Variants in RPL23 observed in about 807,000 individuals in gnomAD.
RPL23 encodes the protein ribosomal protein L23, also known as large ribosomal subunit protein uL14.
For synonymous variants in RPL23, 63 were observed against 65.3 expected, an observed-to-expected ratio of 0.97 and a Z score of 0.17; for missense variants, 79 against 178.8, an observed-to-expected ratio of 0.44 and a Z score of 3.18.
rs1912977769 is a variant in RPL23 at position 38,850,714 on chromosome 17, G to T, written c.227-239C>A. On this transcript the variant is annotated intron_variant, in intron 3 of 4. Coordinates refer to ENST00000479035, the MANE Select transcript of RPL23 (RefSeq NM_000978.4). ...AGACAGGGTTTTGCCATGTTGGCAA[G>T]CCTGGCCTCCCAAAGTGCTGGGAGT... 1.2e-5 allele frequency: 5 copies of T among 416,722 alleles called. No homozygotes were observed. The Admixed American group carries it at 1.6e-4, about 14-fold the overall frequency. 25.8% of individuals were successfully genotyped at this position (416,722 alleles called of 1,614,324 possible).
At chr17:38,853,177 T>TTAC in intron 1 of RPL23, 72 bp from the exon 2 acceptor site, 1 of 1,167,124 alleles carries the variant, frequency 8.6e-7, no homozygotes, top group Non-Finnish European at 1.3e-6. Flanking sequence ...TTCCCCCTCA[T>TTAC]ACTCAAGCTG....
Position 38,849,810 on chromosome 17 carries a change from CT to C in RPL23, c.*321del. On this transcript the variant is annotated 3_prime_UTR_variant, in exon 5 of 5. Transcript: ENST00000479035. Reference sequence around the variant, plus strand: ...CAAACTCACAAAAAAGCAAGGATTGCTTTAAAAAAAAAATGCCCAGAGTTTC... The same window carrying C: ...CAAACTCACAAAAAAGCAAGGATTGCTTAAAAAAAAAATGCCCAGAGTTTC... 4 of 217,458 alleles carry C rather than the reference CT, an allele frequency of 1.8e-5. No individual in the cohort carries two copies. The highest frequency in any genetic ancestry group is 2.3e-5 in the African/African-American group (1 of 43,804). The allele number at this position is 217,458 out of a possible 1,614,324, so 13.5% of individuals were successfully genotyped here. A position where few individuals can be genotyped will look rare whatever the true frequency, so the allele number is the denominator to read the frequency against.
chr17:38,851,427 G>A (rs1317203341), intron 3 of RPL23: 1 of 152,140 alleles, frequency 6.6e-6, no homozygotes, highest in Non-Finnish European at 1.5e-5. Flanking sequence ...TCCAAGGGGA[G>A]GGGATGTATT....
At chr17:38,853,359 T>C in intron 1 of RPL23, 1 of 697,208 alleles carries the variant, frequency 1.4e-6, no homozygotes, top group Non-Finnish European at 2.7e-6. Context: ...TTGCTCTAAC[T>C]TTCGCAAAAC....
At chr17:38,853,620 C>T in intron 1 of RPL23, 78 bp downstream of exon 1, 3 of 1,588,448 alleles carry the variant, frequency 1.9e-6, no homozygotes, top group Non-Finnish European at 2.6e-6. Context: ...CCCCAGCTGC[C>T]TAGGGCCACC....
intron 1 of RPL23, 44 bp from the exon 2 acceptor site, chr17:38,853,149 T>A (rs779749441): frequency 6.7e-7 from 1 of 1,489,706 alleles, no homozygotes. Flanking sequence ...GAGATCACAA[T>A]CTAGACATGG....
At chr17:38,850,582 A>T (rs1912972886) in intron 3 of RPL23, 107 bp from the exon 4 acceptor site, 1 of 742,240 alleles carries the variant, frequency 1.3e-6, no homozygotes, top group Admixed American at 2.0e-5. Context: ...TGAGACAGTG[A>T]CAGTGTAAAT....
chr17:38,850,250 CAT>C (rs774107687), intron 4 of RPL23, 36 bp from the exon 5 acceptor site: 293 of 1,548,614 alleles, frequency 1.9e-4, no homozygotes, highest in East Asian at 3.6e-4. Context: ...AAAATAAAAA[CAT>C]GTGGGGGACA....
rs1403426526 is a variant in RPL23 at position 38,849,033 on chromosome 17, C to A, written c.*1099G>T. ...AAGGCCAAGTCCCTTATTATCAGCG[C>A]TTTATGCCTGTTCAGTTGGCAAAAA... On this transcript the variant is annotated 3_prime_UTR_variant, in exon 5 of 5. Coordinates refer to ENST00000479035, the MANE Select transcript of RPL23 (RefSeq NM_000978.4). 1 of 152,172 alleles carries A rather than the reference C, an allele frequency of 6.6e-6. No homozygotes were observed. The highest frequency in any genetic ancestry group is 2.4e-5 in the African/African-American group (1 of 41,454). The allele number at this position is 152,172 out of a possible 1,614,324, so 9.4% of individuals were successfully genotyped here.
In RPL23 at chr17:38,849,586, T is replaced by C. The variant is rs1463545963; in HGVS notation, c.*546A>G. On this transcript the variant is annotated 3_prime_UTR_variant, in exon 5 of 5. Coordinates refer to ENST00000479035, the MANE Select transcript of RPL23 (RefSeq NM_000978.4). ...CTCCTGACCTCATGATCTGCCTGCC[T>C]TGGCCTCCGAAAGTGTTGGGATTAC... The C allele has an allele frequency of 6.6e-6, 1 of 152,358 alleles. No homozygotes were observed. Among genetic ancestry groups the C allele is most frequent in the East Asian group, 1.9e-4 (1 of 5,208 alleles). 9.4% of individuals were successfully genotyped at this position (152,358 alleles called of 1,614,324 possible).
At chr17:38,852,422 T>C in intron 3 of RPL23, 182 bp downstream of exon 3, 3 of 676,058 alleles carry the variant, frequency 4.4e-6, no homozygotes, top group East Asian at 2.7e-5. Flanking sequence ...AACTAAGGTA[T>C]GGAAGTGACA....
chr17:38,850,816 TAA>T (rs1020187477), intron 3 of RPL23: 5 of 179,294 alleles, frequency 2.8e-5, no homozygotes, highest in African/African-American at 1.2e-4. Flanking sequence ...CTCACAAGTG[TAA>T]AACTCTCAGG....
chr17:38,850,544 C>G (rs957467785), intron 3 of RPL23, 69 bp from the exon 4 acceptor site: 9 of 990,412 alleles, frequency 9.1e-6, no homozygotes, highest in Non-Finnish European at 1.5e-5. Flanking sequence ...AAGCAGTTTC[C>G]AACTAGACAG....
chr17:38,853,115 T>C lies in RPL23; in HGVS notation c.14-10A>G, dbSNP rs760818652. 1.2e-6 allele frequency: 2 copies of C among 1,608,550 alleles called. No homozygotes were observed. The highest frequency in any genetic ancestry group is 3.3e-5 in the Admixed American group (2 of 59,988). ...GAGGACCCACCACGTCCTGTGGATA[T>C]AAAGGGAAGGGAAACAGGATAAAGA... On this transcript the variant is annotated splice_polypyrimidine_tract_variant and intron_variant, in intron 1 of 4. Transcript: ENST00000479035.
rs73985033 is a variant in RPL23 at position 38,853,421 on chromosome 17, T to G, written c.13+277A>C. ...CGCAGAGGTCGCGCAAACCAGGGCCTAATCCAGTCTAACTTCAACCCCATT... is the reference window on the plus strand; with the variant it reads ...CGCAGAGGTCGCGCAAACCAGGGCCGAATCCAGTCTAACTTCAACCCCATT... On this transcript the variant is annotated intron_variant, in intron 1 of 4. Transcript: ENST00000479035. 6.2e-3 allele frequency: 4,455 copies of G among 715,496 alleles called. 126 individuals are homozygous for G. In the African/African-American group the frequency reaches 0.067, roughly 11 times the overall value. The allele number at this position is 715,496 out of a possible 1,614,324, so 44.3% of individuals were successfully genotyped here.
chr17:38,852,807 A>T (rs1439276346), intron 2 of RPL23, 75 bp from the exon 3 acceptor site: 1 of 1,603,268 alleles, frequency 6.2e-7, no homozygotes, highest in African/African-American at 1.3e-5. Flanking sequence ...CATTTCCCAA[A>T]CACTTCCAAA....
chr17:38,850,557 T>G lies in RPL23; in HGVS notation c.227-82A>C, dbSNP rs141817107. The G allele has an allele frequency of 1.1e-4, 93 of 868,334 alleles. No homozygotes were observed. The East Asian group carries it at 2.2e-3, about 21-fold the overall frequency. 53.8% of individuals were successfully genotyped at this position (868,334 alleles called of 1,614,324 possible). On this transcript the variant is annotated intron_variant, in intron 3 of 4. Transcript: ENST00000479035. The stretch of plus-strand genomic sequence containing the variant: ...AAAAGCAGTTTCCAACTAGACAGAA[T>G]GTACACTCAGCGTTTGAGACAGTGA...
chr17:38,850,629 C>G, intron 3 of RPL23, 154 bp from the exon 4 acceptor site: 1 of 609,052 alleles, frequency 1.6e-6, no homozygotes, highest in East Asian at 2.8e-5. Context: ...CTCAGCCTCT[C>G]TAGTATCTTG....
At chr17:38,851,018 A>G (rs1332035235) in intron 3 of RPL23, 1 of 152,466 alleles carries the variant, frequency 6.6e-6, no homozygotes, top group Non-Finnish European at 1.5e-5. Flanking sequence ...CCCAAGCACC[A>G]GGCTTTGTTT....
Sources: allele counts gnomAD v4.1 joint callset, GRCh38; gene constraint gnomAD v4.1.1; transcripts MANE v1.5; gene names NCBI Gene and HGNC (gene_info 2026-07-23, HGNC 2026-07-21).